The following TAFA2 variants were observed in gnomAD, a reference collection of about 807,000 sequenced individuals.
TAFA2 encodes TAFA chemokine like family member 2.
A neutral mutation model predicts 18.8 loss-of-function variants in TAFA2; 7 were observed. The ratio of observed to expected loss-of-function variants is 0.37; its 90% CI spans 0.21 to 0.70. The LOEUF is 0.70. Among genes scored for constraint, TAFA2 ranks in the 30% least tolerant of loss-of-function variants. The probability of loss-of-function intolerance (pLI) is 0.53; values close to 1 mark genes in which losing one functional copy is unlikely to be tolerated. For synonymous variants in TAFA2, 60 were observed against 54.2 expected (o/e 1.11, Z -0.47); for missense variants, 122 against 158.1 (o/e 0.77, Z 1.23).
upstream of TAFA2, among the ~76,000 whole-genome samples, chr12:62,196,857 T>C (rs2062651011): frequency 6.6e-6 from 1 of 152,082 alleles, no homozygotes; most frequent in Admixed American, 6.6e-5. Flanking sequence ...ACCTTAAATT[T>C]GTAAAAATAA....
chr12:62,200,820 T>C (rs1436184396), intron 1 of TAFA2, among the ~76,000 whole-genome samples: 1 of 152,222 alleles, frequency 6.6e-6, no homozygotes, highest in Non-Finnish European at 1.5e-5. Context: ...GAGAATAGCA[T>C]TGAATCTCTA....
intron 1 of TAFA2, among the ~76,000 whole-genome samples, chr12:62,160,692 T>G (rs1036762458): frequency 1.3e-5 from 2 of 152,202 alleles, no homozygotes; most frequent in Non-Finnish European, 2.9e-5. Flanking sequence ...ATTATCTATG[T>G]AGAGTTTACA....
At chr12:61,817,634 C>A (rs967112447) in intron 2 of TAFA2, among the ~76,000 whole-genome samples, 1 of 152,170 alleles carries the variant, frequency 6.6e-6, no homozygotes, top group South Asian at 2.1e-4. Flanking sequence ...CAGCTAGGTA[C>A]GCCCTGGGTC....
At chr12:61,782,878 A>G (rs1018865202) in intron 2 of TAFA2, among the ~76,000 whole-genome samples, 2 of 151,750 alleles carry the variant, frequency 1.3e-5, no homozygotes, top group African/African-American at 4.8e-5. Flanking sequence ...GTTTTGTTAA[A>G]ATATTTAGTA....
chr12:61,936,790 C>A (rs1224163035), intron 1 of TAFA2, among the ~76,000 whole-genome samples: 1 of 152,068 alleles, frequency 6.6e-6, no homozygotes, highest in Non-Finnish European at 1.5e-5. Flanking sequence ...CACTTCTATT[C>A]AACATAGTAC....
intron 1 of TAFA2, among the ~76,000 whole-genome samples, chr12:61,959,889 G>A (rs1878822652): frequency 6.6e-6 from 1 of 151,652 alleles, no homozygotes; most frequent in Non-Finnish European, 1.5e-5. Flanking sequence ...TTAGAGAGGG[G>A]TGTCACTGTG....
chr12:61,708,432 G>T lies in TAFA2; in HGVS notation c.*1974C>A, dbSNP rs1869243078. ...ACAGAGTTTCCAGTGTTGATTTAAA[G>T]AACATAGTTTAAAAAATGAGAAGCA... On this transcript the variant is annotated 3_prime_UTR_variant, in exon 5 of 5. Coordinates refer to ENST00000416284, the MANE Select transcript of TAFA2 (RefSeq NM_178539.5). The T allele has an allele frequency of 6.6e-6, 1 of 151,878 alleles. No homozygotes were observed. Among genetic ancestry groups the T allele is most frequent in the Non-Finnish European group, 1.5e-5 (1 of 67,928 alleles). 9.4% of individuals were successfully genotyped at this position (151,878 alleles called of 1,614,324 possible).
At chr12:61,884,509 C>T (rs940742079) in intron 1 of TAFA2, among the ~76,000 whole-genome samples, 1 of 152,058 alleles carries the variant, frequency 6.6e-6, no homozygotes, top group Admixed American at 6.5e-5. Context: ...AGTAGGACAC[C>T]GGTGAATGCC....
At chr12:61,924,082 G>C (rs1437506726) in intron 1 of TAFA2, among the ~76,000 whole-genome samples, 4 of 151,932 alleles carry the variant, frequency 2.6e-5, no homozygotes, top group Admixed American at 2.6e-4. Flanking sequence ...AGAAATATGG[G>C]GCTATGTGAA....
chr12:61,742,179 G>A (rs1868487022), intron 4 of TAFA2, among the ~76,000 whole-genome samples: 3 of 152,158 alleles, frequency 2.0e-5, no homozygotes, highest in African/African-American at 7.2e-5. Context: ...ACAGGCATGA[G>A]CCACTGTGCC....
intron 2 of TAFA2, among the ~76,000 whole-genome samples, chr12:61,800,153 ATAAT>A (rs895806698): frequency 9.2e-5 from 14 of 152,244 alleles, no homozygotes; most frequent in African/African-American, 2.7e-4. Flanking sequence ...AAGAGATAAT[ATAAT>A]TAGTCATAGT....
chr12:61,797,557 A>G, intron 2 of TAFA2, among the ~76,000 whole-genome samples: 1 of 151,256 alleles, frequency 6.6e-6, no homozygotes, highest in Non-Finnish European at 1.5e-5. Flanking sequence ...AAAAGTCTGA[A>G]AAAAAAAATA....
chr12:61,932,932 A>G (rs1235282693), intron 1 of TAFA2, among the ~76,000 whole-genome samples: 1 of 152,202 alleles, frequency 6.6e-6, no homozygotes, highest in Non-Finnish European at 1.5e-5. Flanking sequence ...CTCTGCTGTT[A>G]GATCCTAGCA....
At chr12:61,770,889 AC>A (rs1869995849) in intron 2 of TAFA2, among the ~76,000 whole-genome samples, 2 of 152,124 alleles carry the variant, frequency 1.3e-5, no homozygotes, top group African/African-American at 4.8e-5. Flanking sequence ...AGAGTACCTC[AC>A]TTTTCAATAC....
intron 2 of TAFA2, among the ~76,000 whole-genome samples, chr12:61,797,560 A>T (rs1269302627): frequency 6.6e-6 from 1 of 152,116 alleles, no homozygotes; most frequent in Non-Finnish European, 1.5e-5. Context: ...AGTCTGAAAA[A>T]AAAAATATAA....
chr12:62,229,699 T>A (rs2062803768), intron 1 of TAFA2, among the ~76,000 whole-genome samples: 1 of 152,152 alleles, frequency 6.6e-6, no homozygotes, highest in Non-Finnish European at 1.5e-5. Context: ...TCTGTCTAGT[T>A]TTAATGTCAA....
At chr12:61,727,120 T>C (rs1210089324) in intron 4 of TAFA2, among the ~76,000 whole-genome samples, 2 of 152,130 alleles carry the variant, frequency 1.3e-5, no homozygotes, top group Non-Finnish European at 2.9e-5. Flanking sequence ...AGCTGTTGGA[T>C]TCAATTAGCT....
chr12:61,834,383 C>T (rs1349850267), intron 2 of TAFA2, among the ~76,000 whole-genome samples: 5 of 151,980 alleles, frequency 3.3e-5, no homozygotes, highest in Admixed American at 2.0e-4. Context: ...ACCTGCATAT[C>T]GGCTCTTATT....
chr12:62,121,386 T>A lies in TAFA2; in HGVS notation c.-2+69873A>T, dbSNP rs373716312. ...CTCAGATTAAGTCCAAAGTCCACAA[T>A]GATTTGTGTGTAACATTGAGCCAGT... is the stretch of plus-strand genomic sequence containing the variant. On this transcript the variant is annotated intron_variant, in intron 1 of 4. Coordinates refer to ENST00000416284, the MANE Select transcript of TAFA2 (RefSeq NM_178539.5). Among the ~76,000 whole-genome samples, 4 of 152,320 alleles carry A rather than the reference T, an allele frequency of 2.6e-5. No homozygotes were observed. The East Asian group carries it at 5.8e-4, about 22-fold the overall frequency.
Sources: gnomAD v4.1 joint callset for allele counts (sites outside exome capture counted in the v4.1 genomes callset) on GRCh38, gnomAD v4.1.1 for gene constraint, MANE v1.5 for transcripts, NCBI Gene and HGNC (gene_info 2026-07-23, HGNC 2026-07-21) for gene names.